Variants in MDGA2 observed in about 807,000 individuals in gnomAD.
MDGA2 encodes MAM domain-containing glycosylphosphatidylinositol anchor protein 2.
MDGA2 carries 40 observed loss-of-function variants against 117.8 expected under a neutral mutation model. The observed-to-expected ratio is 0.34, with a 90% CI of 0.26 to 0.44. MDGA2 has a LOEUF of 0.44. Ranked by LOEUF, MDGA2 falls within the 20% of genes least tolerant of loss-of-function variation. The probability of loss-of-function intolerance (pLI) is 1.00; values close to 1 mark genes in which losing one functional copy is unlikely to be tolerated. For missense variants in MDGA2, 1,123 were observed against 1,250.6 expected (o/e 0.90, Z 1.54); for synonymous variants, 452 against 439.0 (o/e 1.03, Z -0.37).
chr14:47,465,352 A>T (rs760857885), intron 1 of MDGA2, among the ~76,000 whole-genome samples: 1 of 152,208 alleles, frequency 6.6e-6, no homozygotes, highest in African/African-American at 2.4e-5. Flanking sequence ...TGAACTCAAG[A>T]GCTTCTGCAC....
intron 1 of MDGA2, among the ~76,000 whole-genome samples, chr14:47,307,695 A>G (rs972746483): frequency 2.6e-5 from 4 of 151,394 alleles, no homozygotes; most frequent in Non-Finnish European, 4.4e-5. Context: ...GGGGGGGAAA[A>G]AAAAAGGCAG....
intron 1 of MDGA2, among the ~76,000 whole-genome samples, chr14:47,359,178 A>G (rs1017275005): frequency 2.0e-5 from 3 of 152,114 alleles, no homozygotes; most frequent in Admixed American, 2.0e-4. Context: ...ACACGGTGAA[A>G]CCCTGTCTCT....
At chr14:47,503,951 C>T (rs565894450) in intron 1 of MDGA2, among the ~76,000 whole-genome samples, 1 of 152,216 alleles carries the variant, frequency 6.6e-6, no homozygotes, top group African/African-American at 2.4e-5. Context: ...TAAGGGTTCT[C>T]ATCTTTTATA....
At chr14:47,515,833 T>A (rs985824425) in intron 1 of MDGA2, among the ~76,000 whole-genome samples, 2 of 152,174 alleles carry the variant, frequency 1.3e-5, no homozygotes, top group African/African-American at 4.8e-5. Context: ...CCTGGTCAAA[T>A]TCACTGAGTT....
intron 5 of MDGA2, among the ~76,000 whole-genome samples, chr14:47,129,453 G>A (rs1013321652): frequency 2.0e-5 from 3 of 151,700 alleles, no homozygotes; most frequent in Non-Finnish European, 4.4e-5. Context: ...AGTATTCCAT[G>A]GTGTATATGT....
intron 1 of MDGA2, among the ~76,000 whole-genome samples, chr14:47,524,619 T>A (rs1295288188): frequency 1.3e-5 from 2 of 152,366 alleles, no homozygotes; most frequent in African/African-American, 4.8e-5. Flanking sequence ...CGATGAATTA[T>A]CTTTTACACT....
At chr14:47,599,807 G>A (rs1896613428) in intron 1 of MDGA2, among the ~76,000 whole-genome samples, 1 of 152,024 alleles carries the variant, frequency 6.6e-6, no homozygotes, top group Admixed American at 6.6e-5. Context: ...GTCTACTGAT[G>A]GATTATTCTG....
At chr14:47,297,976 T>C (rs576053504) in intron 2 of MDGA2, among the ~76,000 whole-genome samples, 19 of 152,250 alleles carry the variant, frequency 1.2e-4, no homozygotes, top group African/African-American at 4.1e-4. Flanking sequence ...GAATGTATAG[T>C]TGTATTTGTA....
At position 47,436,515 on chromosome 14, in the gene MDGA2, T is replaced by C. The variant is rs187413589; in HGVS notation, c.281-134965A>G. 2.0e-5 allele frequency among the ~76,000 whole-genome samples: 3 copies of C among 152,186 alleles called. No homozygotes were observed. The East Asian group carries it at 5.8e-4, about 30-fold the overall frequency. On this transcript the variant is annotated intron_variant, in intron 1 of 16. Coordinates refer to ENST00000399232, the MANE Select transcript of MDGA2 (RefSeq NM_001113498.3). ...GAACTTCCCCTGATGGAGTATGCCATACTCTCTGGGTGAACACAACATATT... is the reference window on the plus strand; with the variant it reads ...GAACTTCCCCTGATGGAGTATGCCACACTCTCTGGGTGAACACAACATATT...
At chr14:47,072,601 A>T (rs1180340336) in intron 6 of MDGA2, among the ~76,000 whole-genome samples, 3 of 152,224 alleles carry the variant, frequency 2.0e-5, no homozygotes, top group Admixed American at 2.0e-4. Context: ...CAATATCAGC[A>T]GCATCACCTG....
At chr14:47,575,843 T>C (rs1896106622) in intron 1 of MDGA2, among the ~76,000 whole-genome samples, 2 of 152,192 alleles carry the variant, frequency 1.3e-5, no homozygotes, top group African/African-American at 4.8e-5. Flanking sequence ...AAAATATACA[T>C]AAAATTTAAT....
intron 3 of MDGA2, among the ~76,000 whole-genome samples, chr14:47,170,029 G>A (rs1344150736): frequency 6.6e-6 from 1 of 152,022 alleles, no homozygotes; most frequent in Non-Finnish European, 1.5e-5. Context: ...ATATAATATT[G>A]CAACAATCCG....
At chr14:47,005,982 G>C in intron 8 of MDGA2, among the ~76,000 whole-genome samples, 1 of 151,516 alleles carries the variant, frequency 6.6e-6, no homozygotes, top group East Asian at 1.9e-4. Context: ...CTGATTGTCA[G>C]AGGATTACAC....
chr14:46,969,479 T>A (rs1162668099), intron 8 of MDGA2, among the ~76,000 whole-genome samples: 2 of 152,196 alleles, frequency 1.3e-5, no homozygotes, highest in Non-Finnish European at 1.5e-5. Context: ...GTGGTTTTGA[T>A]TTGCATTTCT....
intron 1 of MDGA2, among the ~76,000 whole-genome samples, chr14:47,428,505 C>T (rs930246993): frequency 6.6e-6 from 1 of 152,014 alleles, no homozygotes; most frequent in Non-Finnish European, 1.5e-5. Context: ...TTGGAATGTG[C>T]TACTGTTTCA....
intron 1 of MDGA2, among the ~76,000 whole-genome samples, chr14:47,350,635 T>C (rs1890858370): frequency 6.6e-6 from 1 of 152,180 alleles, no homozygotes; most frequent in Admixed American, 6.5e-5. Flanking sequence ...GAAGCCTTCA[T>C]TCAAAAAACT....
chr14:47,264,924 A>G (rs115426440), intron 2 of MDGA2, among the ~76,000 whole-genome samples: 4,368 of 152,094 alleles, frequency 0.029, 153 homozygotes, highest in East Asian at 0.18. Flanking sequence ...CTCATTGTTC[A>G]ACTCCCACTT....
intron 1 of MDGA2, among the ~76,000 whole-genome samples, chr14:47,646,975 T>A (rs185676965): frequency 6.6e-6 from 1 of 152,334 alleles, no homozygotes; most frequent in Admixed American, 6.5e-5. Flanking sequence ...ATAATTTACA[T>A]GAACATCTAA....
intron 5 of MDGA2, among the ~76,000 whole-genome samples, chr14:47,125,179 G>T (rs1288971358): frequency 6.6e-6 from 1 of 152,098 alleles, no homozygotes; most frequent in East Asian, 1.9e-4. Flanking sequence ...TAGTACTAAG[G>T]TGCAAGTTAC....
Sources: allele counts gnomAD v4.1 joint callset (sites outside exome capture counted in the v4.1 genomes callset), GRCh38; gene constraint gnomAD v4.1.1; transcripts MANE v1.5; gene names NCBI Gene and HGNC (gene_info 2026-07-23, HGNC 2026-07-21).